ATP13A5: variants seen among roughly 807,000 people sequenced by gnomAD.
ATP13A5 encodes the protein ATPase 13A5.
A neutral mutation model predicts 150.2 loss-of-function variants in ATP13A5; 149 were observed. The observed-to-expected ratio is 0.99, with a 90% CI of 0.87 to 1.14. The LOEUF (loss-of-function observed/expected upper bound fraction) is 1.14. Ranked by LOEUF, ATP13A5 falls within the 50% of genes most tolerant of loss-of-function variation. The probability of loss-of-function intolerance (pLI) is 0.00; values close to 1 mark genes in which losing one functional copy is unlikely to be tolerated. For missense variants in ATP13A5, 1,383 were observed against 1,449.3 expected (o/e 0.95, Z 0.74); for synonymous variants, 497 against 522.2 (o/e 0.95, Z 0.66).
Position 193,284,923 on chromosome 3 carries a change from A to G in ATP13A5, c.3217T>C (p.Tyr1073His). ...AACTTTATATACTTACAGTTTGTAT[A>G]GATGGGTTTTCGAAATGGCTTTCCC... ...SKGKPFRKPI[Y>H]TNYIFSFLLL... Residue 1073 changes from tyrosine to histidine, a missense_variant, in exon 27 of 30, where the codon TAT becomes CAT. By Grantham distance (83) the Tyr-to-His change is moderately conservative. Transcript: ENST00000342358. 6.2e-7 allele frequency: 1 copy of G among 1,612,862 alleles called. No individual in the cohort carries two copies. Among genetic ancestry groups the G allele is most frequent in the Admixed American group, 1.7e-5 (1 of 59,960 alleles).
chr3:193,315,622 C>T (rs1431619209), intron 17 of ATP13A5, among the ~76,000 whole-genome samples: 1 of 152,110 alleles, frequency 6.6e-6, no homozygotes, highest in African/African-American at 2.4e-5. Context: ...GCTTATAGTC[C>T]AACTGGGTTG....
intron 17 of ATP13A5, among the ~76,000 whole-genome samples, chr3:193,318,068 G>C (rs549915678): frequency 5.3e-5 from 8 of 152,226 alleles, no homozygotes; most frequent in Non-Finnish European, 1.2e-4. Flanking sequence ...TTGTGATCCT[G>C]TTTCAAGTAT....
chr3:193,276,735 T>G lies in ATP13A5; in HGVS notation c.3396+15A>C, dbSNP rs376052913. 4.5e-6 allele frequency: 7 copies of G among 1,550,486 alleles called. No homozygotes were observed. The highest frequency in any genetic ancestry group is 6.2e-6 in the Non-Finnish European group (7 of 1,134,434). Reference sequence around the variant, plus strand: ...TTTGTTTATCTTCCTAGAAAAAATATAGAGATTACTTTACCTCTACAAAGA... The same window carrying G: ...TTTGTTTATCTTCCTAGAAAAAATAGAGAGATTACTTTACCTCTACAAAGA... On this transcript the variant is annotated intron_variant, in intron 29 of 29. Transcript: ENST00000342358.
At chr3:193,377,353 C>T (rs937741929) in intron 1 of ATP13A5, among the ~76,000 whole-genome samples, 7 of 152,158 alleles carry the variant, frequency 4.6e-5, no homozygotes, top group African/African-American at 1.2e-4. Flanking sequence ...TTAATATTAA[C>T]GTTCCTAGCA....
intron 28 of ATP13A5, 94 bp from the exon 29 acceptor site, chr3:193,276,924 T>C: frequency 1.1e-6 from 1 of 943,342 alleles, no homozygotes; most frequent in African/African-American, 1.7e-5. Context: ...TTGTAATAAC[T>C]CTCTGAGCTT....
Position 193,364,204 on chromosome 3 carries a change from AG to A in ATP13A5, c.139del (p.Leu47PhefsTer30). ...GGGTCTCCAGTAGAACACCAGCAGA[AG>A]GCCCCCACAGGTCAGCACGGATGCG... ...LVASVLTCGG[L>X]LLVFYWRPQW... On this transcript the variant is annotated frameshift_variant, in exon 2 of 30. Coordinates refer to ENST00000342358, the MANE Select transcript of ATP13A5 (RefSeq NM_198505.4). LOFTEE classifies it high-confidence loss of function. 6.2e-7 allele frequency: 1 copy of A among 1,614,144 alleles called. No homozygotes were observed. Among genetic ancestry groups the A allele is most frequent in the South Asian group, 1.1e-5 (1 of 91,086 alleles).
intron 1 of ATP13A5, among the ~76,000 whole-genome samples, chr3:193,374,265 T>C (rs1713554202): frequency 6.8e-6 from 1 of 145,998 alleles, no homozygotes; most frequent in Non-Finnish European, 1.5e-5. Flanking sequence ...AGATAATCTG[T>C]GCATGTATTT....
At chr3:193,369,224 G>C (rs1471792692) in intron 1 of ATP13A5, among the ~76,000 whole-genome samples, 1 of 151,712 alleles carries the variant, frequency 6.6e-6, no homozygotes, top group African/African-American at 2.4e-5. Context: ...AGGCAACAGT[G>C]AGACCCTGTC....
chr3:193,354,051 T>C (rs544595530), intron 6 of ATP13A5, 76 bp downstream of exon 6: 2 of 1,190,518 alleles, frequency 1.7e-6, no homozygotes, highest in Admixed American at 4.5e-5. Context: ...AAAGTATTTA[T>C]GTGTTCCTTC....
chr3:193,334,930 T>C lies in ATP13A5; in HGVS notation c.1113A>G (p.Thr371=), dbSNP rs1390560775. ...CTTACAAAAGTGGAATCCACTAACC[T>C]GTTTGCAAAACGACTGCTCGTACAG... The part of the protein sequence containing the change: ...QGPVRAVVLQ[T]GYNTAKGDLV... The change falls in exon 10 of 30, where the codon ACA becomes ACG. Residue 371 remains threonine, a splice_region_variant and synonymous_variant. Coordinates refer to ENST00000342358, the MANE Select transcript of ATP13A5 (RefSeq NM_198505.4). 2 of 1,612,346 alleles carry C rather than the reference T, an allele frequency of 1.2e-6. No homozygotes were observed. The highest frequency in any genetic ancestry group is 8.5e-7 in the Non-Finnish European group (1 of 1,178,978).
intron 29 of ATP13A5, 45 bp from the exon 30 acceptor site, chr3:193,275,347 C>A: frequency 6.3e-7 from 1 of 1,596,784 alleles, no homozygotes; most frequent in Non-Finnish European, 8.5e-7. Flanking sequence ...GCGCAGGTCC[C>A]CCTGCAGCCA....
intron 13 of ATP13A5, among the ~76,000 whole-genome samples, chr3:193,326,487 G>C (rs1012808537): frequency 2.0e-4 from 31 of 152,108 alleles, no homozygotes. Flanking sequence ...AAATTAATTT[G>C]TCTTTACCCA....
chr3:193,366,426 G>A (rs1032722689), intron 1 of ATP13A5, among the ~76,000 whole-genome samples: 1 of 151,982 alleles, frequency 6.6e-6, no homozygotes, highest in Non-Finnish European at 1.5e-5. Context: ...GCAAACAGTG[G>A]AAGAAAGCTG....
At position 193,275,247 on chromosome 3, in the gene ATP13A5, A is replaced by T. The variant is rs756610216; in HGVS notation, c.3452T>A (p.Phe1151Tyr). ...LWLLIKREFG[F>Y]YSKSQYRTWQ... ...AGTCCTATATTGACTTTTAGAGTAG[A>T]ATCCAAATTCTCTTTTGATCAACAG... The change falls in exon 30 of 30, where the codon TTC (phenylalanine) becomes TAC (tyrosine). Residue 1151 changes from phenylalanine to tyrosine, a missense_variant. Coordinates refer to ENST00000342358, the MANE Select transcript of ATP13A5 (RefSeq NM_198505.4). 6.2e-7 allele frequency: 1 copy of T among 1,614,010 alleles called. No individual in the cohort carries two copies. The highest frequency in any genetic ancestry group is 1.3e-5 in the African/African-American group (1 of 74,912).
Position 193,333,850 on chromosome 3 carries a change from T to G in ATP13A5, c.1172A>C (p.Asn391Thr). Residue 391 changes from asparagine (N) to threonine (T), a missense_variant, in exon 11 of 30, where the codon AAC becomes ACC. By Grantham distance (65) the Asn-to-Thr change is moderately conservative. This residue lies in a region of ATP13A5 where 787 missense variants were observed against 771.9 expected (regional missense o/e 1.02). Coordinates refer to ENST00000342358, the MANE Select transcript of ATP13A5 (RefSeq NM_198505.4). Reference protein sequence around the residue: ...VRSILYPRPLNFKLYSDAFKF... With the variant: ...VRSILYPRPLTFKLYSDAFKF... ...GAAGGCATCGCTGTATAGTTTGAAG[T>G]TCAGAGGCCGGGGGTACAGGATGGA... The G allele has an allele frequency of 6.2e-7, 1 of 1,613,936 alleles. No individual in the cohort carries two copies. The highest frequency in any genetic ancestry group is 8.5e-7 in the Non-Finnish European group (1 of 1,179,898).
intron 25 of ATP13A5, among the ~76,000 whole-genome samples, chr3:193,293,046 G>A (rs1479944561): frequency 6.6e-6 from 1 of 152,012 alleles, no homozygotes; most frequent in Non-Finnish European, 1.5e-5. Context: ...AATTTTACAG[G>A]TGAAGAAACT....
At chr3:193,347,104 A>G (rs1423127230) in intron 7 of ATP13A5, among the ~76,000 whole-genome samples, 1 of 152,224 alleles carries the variant, frequency 6.6e-6, no homozygotes, top group African/African-American at 2.4e-5. Context: ...AAGCTCTAAA[A>G]TGATATGACA....
At chr3:193,330,557 G>A (rs945494555) in intron 12 of ATP13A5, among the ~76,000 whole-genome samples, 1 of 152,094 alleles carries the variant, frequency 6.6e-6, no homozygotes, top group African/African-American at 2.4e-5. Context: ...CTCACGTCAT[G>A]GGGGGGTGTC....
At chr3:193,349,254 TC>T (rs1712471103) in intron 7 of ATP13A5, among the ~76,000 whole-genome samples, 1 of 152,182 alleles carries the variant, frequency 6.6e-6, no homozygotes, top group African/African-American at 2.4e-5. Flanking sequence ...GTCCTCTAAT[TC>T]CTTTTCTGTT....
Sources: gnomAD v4.1 joint callset for allele counts (sites outside exome capture counted in the v4.1 genomes callset) on GRCh38, gnomAD v4.1.1 for gene constraint, gnomAD v4.1.1 regional missense constraint, MANE v1.5 for transcripts, NCBI Gene and HGNC (gene_info 2026-07-23, HGNC 2026-07-21) for gene names.